Variants in TRPS1 observed in about 807,000 individuals in gnomAD.
The protein encoded by TRPS1 is transcriptional repressor GATA binding 1.
In TRPS1, 6 loss-of-function variants were observed where a neutral mutation model predicts 101.2. The ratio of observed to expected loss-of-function variants is 0.06; its 90% CI spans 0.03 to 0.12. TRPS1 has a LOEUF of 0.12. TRPS1 is among the 10% of genes least tolerant of loss of function. The pLI is 1.00. For missense variants in TRPS1, 1,363 were observed against 1,567.0 expected (o/e 0.87, Z 2.20); for synonymous variants, 578 against 589.8 (o/e 0.98, Z 0.29).
At chr8:115,492,942 T>C (rs1278812770) in intron 5 of TRPS1, among the ~76,000 whole-genome samples, 2 of 152,132 alleles carry the variant, frequency 1.3e-5, no homozygotes, top group African/African-American at 4.8e-5. Flanking sequence ...TTTGAACACT[T>C]GACCTCAAGT....
chr8:115,498,194 T>C (rs889472615), intron 5 of TRPS1, among the ~76,000 whole-genome samples: 2 of 151,724 alleles, frequency 1.3e-5, no homozygotes, highest in African/African-American at 4.8e-5. Context: ...TGGGCAAACA[T>C]GACAAAACCC....
chr8:115,548,392 T>C (rs7825679), intron 5 of TRPS1, among the ~76,000 whole-genome samples: 104,141 of 151,880 alleles, frequency 0.69, 37,210 homozygotes, highest in African/African-American at 0.89. Flanking sequence ...GGCTGGAGTG[T>C]AGTGGTGCAA....
At chr8:115,572,396 T>C (rs1039826227) in intron 5 of TRPS1, among the ~76,000 whole-genome samples, 2 of 152,208 alleles carry the variant, frequency 1.3e-5, no homozygotes, top group Non-Finnish European at 2.9e-5. Flanking sequence ...ACTGTCTTGA[T>C]AGATTAATTG....
At chr8:115,454,672 T>C (rs751741573) in intron 5 of TRPS1, among the ~76,000 whole-genome samples, 1 of 152,160 alleles carries the variant, frequency 6.6e-6, no homozygotes, top group African/African-American at 2.4e-5. Flanking sequence ...ATTATGTCAT[T>C]TTCATGAAAT....
At chr8:115,566,612 G>GAA (rs200228557) in intron 5 of TRPS1, among the ~76,000 whole-genome samples, 1 of 147,694 alleles carries the variant, frequency 6.8e-6, no homozygotes, top group African/African-American at 2.5e-5. Context: ...TCAGAAAACA[G>GAA]AAAAAAAAAC....
Position 115,587,609 on chromosome 8 carries a change from A to C in TRPS1, c.2097-5T>G. The C allele has an allele frequency of 2.5e-6, 4 of 1,613,986 alleles. No homozygotes were observed. The highest frequency in any genetic ancestry group is 3.4e-6 in the Non-Finnish European group (4 of 1,179,994). On this transcript the variant is annotated splice_region_variant and splice_polypyrimidine_tract_variant and intron_variant, in intron 4 of 6. Coordinates refer to ENST00000395715, the MANE Select transcript of TRPS1 (RefSeq NM_014112.5). ...TTGTAGCAGCTGTGTGCTCTCCTGG[A>C]GAAGAAGAAAACAGTTACTGCAAAG...
chr8:115,587,885 CGTGCTT>C (rs1249485612), intron 4 of TRPS1, among the ~76,000 whole-genome samples: 2 of 152,194 alleles, frequency 1.3e-5, no homozygotes, highest in East Asian at 1.9e-4. Context: ...GCACGCTGCT[CGTGCTT>C]GTGCGCATAC....
chr8:115,465,318 C>G (rs1224547987), intron 5 of TRPS1, among the ~76,000 whole-genome samples: 1 of 152,010 alleles, frequency 6.6e-6, no homozygotes, highest in Non-Finnish European at 1.5e-5. Flanking sequence ...GTTCTAGCAT[C>G]AAAAATGTGT....
intron 5 of TRPS1, among the ~76,000 whole-genome samples, chr8:115,428,433 T>G (rs1295505240): frequency 1.3e-5 from 2 of 152,226 alleles, no homozygotes; most frequent in Non-Finnish European, 2.9e-5. Context: ...TTTTATAGGC[T>G]ATCCAATTGA....
intron 5 of TRPS1, among the ~76,000 whole-genome samples, chr8:115,435,105 G>A (rs945658248): frequency 4.6e-5 from 7 of 151,926 alleles, no homozygotes; most frequent in African/African-American, 1.2e-4. Flanking sequence ...CAAGGCCTCC[G>A]AGTTTATACT....
At chr8:115,511,183 T>G (rs1264372426) in intron 5 of TRPS1, 2 of 151,880 alleles carry the variant, frequency 1.3e-5, no homozygotes, top group Non-Finnish European at 2.9e-5. Flanking sequence ...TTTTGTCTCT[T>G]TTAATGTGGA....
chr8:115,560,084 T>C (rs913081045), intron 5 of TRPS1, among the ~76,000 whole-genome samples: 1 of 150,660 alleles, frequency 6.6e-6, no homozygotes, highest in African/African-American at 2.5e-5. Flanking sequence ...TGCTGTTTAT[T>C]AATCTGATTA....
intron 3 of TRPS1, among the ~76,000 whole-genome samples, chr8:115,614,820 C>T (rs1489207674): frequency 6.6e-6 from 1 of 151,998 alleles, no homozygotes; most frequent in Non-Finnish European, 1.5e-5. Flanking sequence ...AAGTAAAATT[C>T]AAGACAAGTC....
intron 5 of TRPS1, among the ~76,000 whole-genome samples, chr8:115,453,888 T>C (rs1813946966): frequency 6.6e-6 from 1 of 152,212 alleles, no homozygotes; most frequent in Non-Finnish European, 1.5e-5. Context: ...AGCCTTTGGA[T>C]GAGAGAAAAC....
At chr8:115,653,441 C>T (rs929262825) in intron 1 of TRPS1, among the ~76,000 whole-genome samples, 3 of 151,958 alleles carry the variant, frequency 2.0e-5, no homozygotes, top group Admixed American at 6.6e-5. Context: ...AGAGATTTTA[C>T]GTGGGATGAT....
chr8:115,440,292 T>C (rs1438664029), intron 5 of TRPS1, among the ~76,000 whole-genome samples: 1 of 152,182 alleles, frequency 6.6e-6, no homozygotes, highest in Non-Finnish European at 1.5e-5. Flanking sequence ...GCCTGAGAAG[T>C]AGAAAATGTA....
At position 115,604,098 on chromosome 8, in the gene TRPS1, C is replaced by T. The variant is rs762850704; in HGVS notation, c.1871G>A (p.Arg624Gln). 3 of 1,614,030 alleles carry T rather than the reference C, an allele frequency of 1.9e-6. No individual in the cohort carries two copies. Among genetic ancestry groups the T allele is most frequent in the African/African-American group, 1.3e-5 (1 of 75,020 alleles). Residue 624 changes from arginine to glutamine, a missense_variant, in exon 4 of 7, where the codon CGA becomes CAA. Arg to Gln is a conservative substitution (Grantham distance 43, BLOSUM62 1). Transcript: ENST00000395715. The surrounding 1 kb of genome is among the most constrained non-coding windows in gnomAD (Gnocchi z 4.1). ...HLSPGAAGSS[R>Q]VKHQCHQCSF... ...ACACTGATGGCACTGATGTTTGACTCGCGAGCTTCCAGCCGCCCCAGGAGA... is the reference window on the plus strand; with the variant it reads ...ACACTGATGGCACTGATGTTTGACTTGCGAGCTTCCAGCCGCCCCAGGAGA...
In TRPS1 at chr8:115,620,220, T is replaced by C. The variant is rs1818364411; in HGVS notation, c.38-160A>G. Reference sequence around the variant, plus strand: ...ACCCATTCTAAAAACAGCAAAAAGTTGAGACTAAAACAAACAATTTACATT... The same window carrying C: ...ACCCATTCTAAAAACAGCAAAAAGTCGAGACTAAAACAAACAATTTACATT... On this transcript the variant is annotated intron_variant, in intron 2 of 6. Transcript: ENST00000395715. The C allele has an allele frequency of 4.5e-6, 3 of 673,758 alleles. No homozygotes were observed. In the African/African-American group the frequency reaches 5.5e-5, roughly 12 times the overall value. 41.7% of individuals were successfully genotyped at this position (673,758 alleles called of 1,614,324 possible). A position where few individuals can be genotyped will look rare whatever the true frequency, so the allele number is the denominator to read the frequency against.
intron 5 of TRPS1, among the ~76,000 whole-genome samples, chr8:115,509,198 C>G (rs925503821): frequency 6.6e-6 from 1 of 151,900 alleles, no homozygotes; most frequent in Non-Finnish European, 1.5e-5. Context: ...TTCCCTGAAG[C>G]CGAACTCCTT....
Sources: gnomAD v4.1 joint callset for allele counts (sites outside exome capture counted in the v4.1 genomes callset) on GRCh38, gnomAD v4.1.1 for gene constraint, Gnocchi (gnomAD v3.1) non-coding constraint, MANE v1.5 for transcripts, NCBI Gene and HGNC (gene_info 2026-07-23, HGNC 2026-07-21) for gene names.